Variants in TMEM39B observed in about 807,000 individuals in gnomAD.
The protein encoded by TMEM39B is transmembrane protein 39B.
Under a neutral mutation model 52.2 loss-of-function variants are expected in TMEM39B, and 23 were observed. The ratio of observed to expected loss-of-function variants is 0.44; its 90% CI spans 0.32 to 0.62. The LOEUF is 0.62. Among genes scored for constraint, TMEM39B ranks in the 20% least tolerant of loss-of-function variants. The probability of loss-of-function intolerance (pLI) is 0.06; values close to 1 mark genes in which losing one functional copy is unlikely to be tolerated. For synonymous variants in TMEM39B, 285 were observed against 264.0 expected (o/e 1.08, Z -0.77); for missense variants, 547 against 642.0 (o/e 0.85, Z 1.60).
chr1:32,078,497 C>T (rs1639959041), intron 5 of TMEM39B, among the ~76,000 whole-genome samples: 1 of 151,158 alleles, frequency 6.6e-6, no homozygotes, highest in Admixed American at 6.6e-5. Context: ...AAAAAAAAAA[C>T]ATTATAATGT....
chr1:32,094,231 ATTC>A (rs944455067), intron 6 of TMEM39B, among the ~76,000 whole-genome samples: 1 of 135,602 alleles, frequency 7.4e-6, no homozygotes, highest in Non-Finnish European at 1.5e-5. Flanking sequence ...GGTTCAAGCT[ATTC>A]TTCTGCCTCA....
intron 5 of TMEM39B, among the ~76,000 whole-genome samples, chr1:32,080,050 C>T (rs537917006): frequency 7.9e-5 from 12 of 151,922 alleles, no homozygotes; most frequent in South Asian, 4.2e-4. Flanking sequence ...CCACCATGCT[C>T]GGCAATTTTT....
chr1:32,079,511 G>A lies in TMEM39B; in HGVS notation c.590+2193G>A, dbSNP rs184614074. On this transcript the variant is annotated intron_variant, in intron 5 of 8. Coordinates refer to ENST00000336294, the MANE Select transcript of TMEM39B (RefSeq NM_018056.4). Reference sequence around the variant, plus strand: ...CCTGTTCTATTTCTAACCTGGACCAGTTCATCCCCTCCTTAGGCAATTATG... The same window carrying A: ...CCTGTTCTATTTCTAACCTGGACCAATTCATCCCCTCCTTAGGCAATTATG... Among the ~76,000 whole-genome samples, 70 of 152,084 alleles carry A rather than the reference G, an allele frequency of 4.6e-4. 1 individual carries two copies. The highest frequency in any genetic ancestry group is 1.5e-3 in the African/African-American group (61 of 41,532).
In TMEM39B at chr1:32,094,841, A is replaced by G; in HGVS notation, c.985A>G (p.Ser329Gly). 1.9e-6 allele frequency: 3 copies of G among 1,614,228 alleles called. No individual in the cohort carries two copies. Among genetic ancestry groups the G allele is most frequent in the Non-Finnish European group, 2.5e-6 (3 of 1,180,046 alleles). The change falls in exon 7 of 9, where the codon AGC (serine) becomes GGC (glycine). Residue 329 changes from serine to glycine, a missense_variant. Physicochemically the swap from Ser to Gly is moderately conservative, Grantham distance 56. Coordinates refer to ENST00000336294, the MANE Select transcript of TMEM39B (RefSeq NM_018056.4). Reference sequence around the variant, plus strand: ...TGAACTCTTCCTGCTGGTGTCCATCAGCACCTCCGTGATCCTCATGCAGCA... The same window carrying G: ...TGAACTCTTCCTGCTGGTGTCCATCGGCACCTCCGTGATCCTCATGCAGCA... ...SCELFLLVSI[S>G]TSVILMQHLL...
chr1:32,096,587 A>G (rs1640817764), intron 7 of TMEM39B, among the ~76,000 whole-genome samples: 1 of 150,474 alleles, frequency 6.6e-6, no homozygotes, highest in South Asian at 2.1e-4. Flanking sequence ...GGGCCTCCCA[A>G]GTAGCTGGGA....
chr1:32,093,811 G>T (rs539935443), intron 6 of TMEM39B, among the ~76,000 whole-genome samples: 95 of 148,936 alleles, frequency 6.4e-4, no homozygotes, highest in African/African-American at 2.0e-3. Flanking sequence ...CTTTTTTTTT[G>T]TTTTGTTTTG....
intron 7 of TMEM39B, among the ~76,000 whole-genome samples, chr1:32,099,752 A>C (rs1326427688): frequency 6.6e-6 from 1 of 152,178 alleles, no homozygotes; most frequent in African/African-American, 2.4e-5. Flanking sequence ...AGCCTTCAAA[A>C]GGTTTTAAGC....
Position 32,100,466 on chromosome 1 carries a change from G to A in TMEM39B, c.1140G>A (p.Pro380=), listed in dbSNP as rs1253687578. 27 of 1,604,876 alleles carry A rather than the reference G, an allele frequency of 1.7e-5. No homozygotes were observed. The highest frequency in any genetic ancestry group is 4.5e-5 in the South Asian group (4 of 89,662). The part of the protein sequence containing the change: ...QHPWTEECMW[P]QGVLVKHSKN... The stretch of plus-strand genomic sequence containing the variant: ...GGTGGACTGAAGAATGCATGTGGCC[G>A]CAGGGCGTGCTGGTGAAGCACAGCA... The change falls in exon 8 of 9, where the codon CCG becomes CCA. Residue 380 remains proline, a synonymous_variant. Transcript: ENST00000336294.
intron 5 of TMEM39B, among the ~76,000 whole-genome samples, chr1:32,078,073 C>T (rs1285319116): frequency 6.6e-6 from 1 of 152,096 alleles, no homozygotes; most frequent in Non-Finnish European, 1.5e-5. Flanking sequence ...TGGGTCAATC[C>T]TGGTCTCTGG....
intron 7 of TMEM39B, among the ~76,000 whole-genome samples, 169 bp downstream of exon 7, chr1:32,095,140 T>C (rs887647532): frequency 6.6e-6 from 1 of 152,174 alleles, no homozygotes; most frequent in African/African-American, 2.4e-5. Context: ...CTGACACACA[T>C]GTTCCCTATC....
chr1:32,078,758 A>G (rs1639968441), intron 5 of TMEM39B, among the ~76,000 whole-genome samples: 1 of 151,352 alleles, frequency 6.6e-6, no homozygotes. Context: ...TTCCTGCCTC[A>G]GCCTCCCAAG....
At chr1:32,093,068 C>T (rs868666751) in intron 6 of TMEM39B, among the ~76,000 whole-genome samples, 11 of 152,330 alleles carry the variant, frequency 7.2e-5, no homozygotes, top group Middle Eastern at 6.8e-3. Context: ...GGTACCTCCT[C>T]AGCTGCAAGC....
At chr1:32,084,834 G>A (rs535361224) in intron 5 of TMEM39B, among the ~76,000 whole-genome samples, 1 of 152,234 alleles carries the variant, frequency 6.6e-6, no homozygotes, top group African/African-American at 2.4e-5. Context: ...CCAAAGTGCT[G>A]GGATTACAGG....
rs776324359 is a variant in TMEM39B at position 32,091,791 on chromosome 1, G to A, written c.707G>A (p.Arg236Gln). 2.5e-6 allele frequency: 4 copies of A among 1,614,174 alleles called. No individual in the cohort carries two copies. Among genetic ancestry groups the A allele is most frequent in the Non-Finnish European group, 3.4e-6 (4 of 1,180,042 alleles). ...GCGGTCAGTGGCCTGGCAAAGAGCC[G>A]GGACTACCTCCTGACACTGCGGGAG... is the stretch of plus-strand genomic sequence containing the variant. Reference protein sequence around the residue: ...REAVSGLAKSRDYLLTLRETW... With the variant: ...REAVSGLAKSQDYLLTLRETW... Residue 236 changes from arginine (R) to glutamine (Q), a missense_variant, in exon 6 of 9, where the codon CGG (arginine) becomes CAG (glutamine). By Grantham distance (43) the Arg-to-Gln change is conservative. Coordinates refer to ENST00000336294, the MANE Select transcript of TMEM39B (RefSeq NM_018056.4).
intron 5 of TMEM39B, among the ~76,000 whole-genome samples, chr1:32,080,589 C>A (rs971124793): frequency 6.6e-6 from 1 of 151,152 alleles, no homozygotes; most frequent in Admixed American, 6.6e-5. Flanking sequence ...ATGGTGTGAA[C>A]CTGGGAGGCG....
At chr1:32,087,317 C>T (rs1318913027) in intron 5 of TMEM39B, among the ~76,000 whole-genome samples, 1 of 38,740 alleles carries the variant, frequency 2.6e-5, no homozygotes, top group Non-Finnish European at 4.2e-5. Flanking sequence ...GACTCCGTCT[C>T]ACAAAAAAAA....
At chr1:32,098,216 G>C (rs1344596133) in intron 7 of TMEM39B, among the ~76,000 whole-genome samples, 1 of 151,672 alleles carries the variant, frequency 6.6e-6, no homozygotes, top group Non-Finnish European at 1.5e-5. Flanking sequence ...GGCCAGGCTG[G>C]TCTCGAACTC....
intron 7 of TMEM39B, among the ~76,000 whole-genome samples, chr1:32,096,058 C>G (rs1032979728): frequency 6.6e-6 from 1 of 152,186 alleles, no homozygotes. Context: ...GTTTCTGCCT[C>G]ATCTTTTACC....
intron 5 of TMEM39B, among the ~76,000 whole-genome samples, chr1:32,081,274 T>C (rs1640090555): frequency 6.6e-6 from 1 of 151,782 alleles, no homozygotes; most frequent in Admixed American, 6.6e-5. Flanking sequence ...CACTCCAGCC[T>C]GAGTGACAAG....
Sources: allele counts gnomAD v4.1 joint callset (sites outside exome capture counted in the v4.1 genomes callset), GRCh38; gene constraint gnomAD v4.1.1; transcripts MANE v1.5; gene names NCBI Gene and HGNC (gene_info 2026-07-23, HGNC 2026-07-21).